The following ADAMTS16 variants were observed in gnomAD, a reference collection of about 807,000 sequenced individuals.
ADAMTS16 encodes the protein A disintegrin and metalloproteinase with thrombospondin motifs 16.
Under a neutral mutation model 145.8 loss-of-function variants are expected in ADAMTS16, and 94 were observed. The observed-to-expected ratio is 0.64, with a 90% CI of 0.55 to 0.77. ADAMTS16 has a LOEUF of 0.77. Among genes scored for constraint, ADAMTS16 ranks in the 30% least tolerant of loss-of-function variants. The pLI is 0.00. For missense variants in ADAMTS16, 1,585 were observed against 1,591.5 expected (o/e 1.00, Z 0.07); for synonymous variants, 659 against 604.3 (o/e 1.09, Z -1.33).
intron 21 of ADAMTS16, among the ~76,000 whole-genome samples, chr5:5,314,757 A>G (rs1460393480): frequency 6.6e-6 from 1 of 152,112 alleles, no homozygotes; most frequent in East Asian, 1.9e-4. Flanking sequence ...CATAGGAATC[A>G]TCTGGGAACG....
chr5:5,267,705 C>T (rs569906230), intron 18 of ADAMTS16, among the ~76,000 whole-genome samples: 186 of 152,280 alleles, frequency 1.2e-3, no homozygotes, highest in Middle Eastern at 6.8e-3. Context: ...TTTTTATAGG[C>T]CCAGGATGGG....
intron 18 of ADAMTS16, among the ~76,000 whole-genome samples, chr5:5,265,589 G>A (rs561150968): frequency 6.6e-5 from 10 of 152,218 alleles, no homozygotes; most frequent in African/African-American, 2.2e-4. Context: ...GGTTATCTTA[G>A]GGATGTAGCC....
chr5:5,248,988 G>A (rs10036107), intron 17 of ADAMTS16, among the ~76,000 whole-genome samples: 63,877 of 151,976 alleles, frequency 0.42, 13,721 homozygotes, highest in Middle Eastern at 0.52. Flanking sequence ...GAGACTGATT[G>A]GGAGAGATTG....
intron 18 of ADAMTS16, among the ~76,000 whole-genome samples, chr5:5,268,808 G>A (rs1012317563): frequency 2.6e-5 from 4 of 152,156 alleles, no homozygotes; most frequent in African/African-American, 9.7e-5. Context: ...GGCTGCAGCA[G>A]GTCCTGGCCT....
At chr5:5,241,880 T>A (rs1737302502) in intron 16 of ADAMTS16, among the ~76,000 whole-genome samples, 173 bp from the exon 17 acceptor site, 1 of 152,172 alleles carries the variant, frequency 6.6e-6, no homozygotes, top group African/African-American at 2.4e-5. Context: ...TGAATCTAGA[T>A]GGGAGGGTTC....
chr5:5,280,833 T>G (rs1437318510), intron 18 of ADAMTS16, among the ~76,000 whole-genome samples: 1 of 152,130 alleles, frequency 6.6e-6, no homozygotes, highest in Non-Finnish European at 1.5e-5. Flanking sequence ...GTAAATTACC[T>G]CTAGGGGAAC....
chr5:5,140,967 TG>T (rs1389989785), intron 2 of ADAMTS16, among the ~76,000 whole-genome samples: 5 of 152,130 alleles, frequency 3.3e-5, no homozygotes, highest in African/African-American at 1.2e-4. Context: ...TTTTATTCCC[TG>T]GCAAAACGGT....
At chr5:5,216,813 G>T (rs1480790845) in intron 10 of ADAMTS16, among the ~76,000 whole-genome samples, 1 of 134,498 alleles carries the variant, frequency 7.4e-6, no homozygotes, top group Admixed American at 8.6e-5. Flanking sequence ...GTGTCCATGT[G>T]ATCTCATTGT....
At chr5:5,187,683 A>G in intron 5 of ADAMTS16, 42 bp from the exon 6 acceptor site, 1 of 1,408,116 alleles carries the variant, frequency 7.1e-7, no homozygotes, top group Non-Finnish European at 1.0e-6. Flanking sequence ...AGGGGGGAAA[A>G]TGCCATTTAT....
intron 6 of ADAMTS16, among the ~76,000 whole-genome samples, chr5:5,189,347 C>T (rs1350979682): frequency 6.6e-6 from 1 of 152,282 alleles, no homozygotes; most frequent in Non-Finnish European, 1.5e-5. Context: ...TTCATCGTTG[C>T]GTTATCTGAA....
At chr5:5,161,778 T>C (rs963586840) in intron 3 of ADAMTS16, among the ~76,000 whole-genome samples, 1 of 152,186 alleles carries the variant, frequency 6.6e-6, no homozygotes, top group Non-Finnish European at 1.5e-5. Context: ...TTTTCTATCA[T>C]AGGAAGAGCA....
At chr5:5,213,516 T>G (rs1185448934) in intron 10 of ADAMTS16, among the ~76,000 whole-genome samples, 1 of 152,204 alleles carries the variant, frequency 6.6e-6, no homozygotes, top group East Asian at 1.9e-4. Flanking sequence ...CCTTGAATAG[T>G]ATATTATTTT....
intron 16 of ADAMTS16, among the ~76,000 whole-genome samples, chr5:5,240,848 T>C (rs1737266023): frequency 6.6e-6 from 1 of 152,168 alleles, no homozygotes; most frequent in South Asian, 2.1e-4. Context: ...CTTTCCTTGA[T>C]CAATTTATCT....
chr5:5,279,682 T>C (rs1738824980), intron 18 of ADAMTS16, among the ~76,000 whole-genome samples: 1 of 152,072 alleles, frequency 6.6e-6, no homozygotes, highest in Non-Finnish European at 1.5e-5. Flanking sequence ...CTTGGAAGTT[T>C]TTTTGAATTT....
chr5:5,201,490 A>G (rs1050169280), intron 9 of ADAMTS16, among the ~76,000 whole-genome samples: 4 of 152,184 alleles, frequency 2.6e-5, no homozygotes, highest in Admixed American at 6.5e-5. Context: ...TTATATTTCT[A>G]TTATTAAAAA....
chr5:5,301,054 ATTTT>A (rs1245977980), intron 18 of ADAMTS16, among the ~76,000 whole-genome samples: 1 of 151,988 alleles, frequency 6.6e-6, no homozygotes, highest in Non-Finnish European at 1.5e-5. Flanking sequence ...ATGAATTTTT[ATTTT>A]TATTTATTTA....
At chr5:5,295,578 G>T (rs1739498372) in intron 18 of ADAMTS16, among the ~76,000 whole-genome samples, 2 of 152,240 alleles carry the variant, frequency 1.3e-5, no homozygotes, top group African/African-American at 4.8e-5. Flanking sequence ...GGCTGCCAAT[G>T]TGTTTTGCCA....
intron 18 of ADAMTS16, among the ~76,000 whole-genome samples, chr5:5,285,419 T>A (rs1274703730): frequency 1.3e-5 from 2 of 152,204 alleles, no homozygotes; most frequent in African/African-American, 4.8e-5. Flanking sequence ...GGTCTCACAA[T>A]GTTCCAAACT....
At position 5,232,818 on chromosome 5, in the gene ADAMTS16, G is replaced by T. The variant is rs1423896985; in HGVS notation, c.1850+302G>T. ...CGGTTTTACCATGTTGGTCAGGCTG[G>T]TCTCGAACTCCTGACCTTAGGTAAT... On this transcript the variant is annotated intron_variant, in intron 12 of 22. Transcript: ENST00000274181. 2.6e-5 allele frequency among the ~76,000 whole-genome samples: 4 copies of T among 151,732 alleles called. No individual in the cohort carries two copies. The South Asian group carries it at 8.3e-4, about 32-fold the overall frequency.
Sources: allele counts gnomAD v4.1 joint callset (sites outside exome capture counted in the v4.1 genomes callset), GRCh38; gene constraint gnomAD v4.1.1; transcripts MANE v1.5; gene names NCBI Gene and HGNC (gene_info 2026-07-23, HGNC 2026-07-21).